Variants in DENND1B observed in about 807,000 individuals in gnomAD.
The protein encoded by DENND1B is DENN domain containing 1B.
In DENND1B, 59 loss-of-function variants were observed where a neutral mutation model predicts 90.1. The ratio of observed to expected loss-of-function variants is 0.65; its 90% CI spans 0.53 to 0.81. The LOEUF is 0.81. Among genes scored for constraint, DENND1B ranks in the 40% least tolerant of loss-of-function variants. The pLI, the probability that DENND1B is intolerant of heterozygous loss-of-function variation, is 0.00. For missense variants in DENND1B, 862 were observed against 912.6 expected (o/e 0.94, Z 0.71); for synonymous variants, 337 against 324.6 (o/e 1.04, Z -0.41).
At chr1:197,602,957 C>T (rs1394327557) in intron 13 of DENND1B, among the ~76,000 whole-genome samples, 1 of 151,124 alleles carries the variant, frequency 6.6e-6, no homozygotes, top group African/African-American at 2.4e-5. Context: ...CTTATGATTC[C>T]TGAAAGCTTC....
chr1:197,735,693 C>A (rs371103652), intron 2 of DENND1B: 5 of 1,613,918 alleles, frequency 3.1e-6, no homozygotes, highest in African/African-American at 1.3e-5. Context: ...ACACGGGAGG[C>A]GCTACGCCAG....
chr1:197,607,212 ATTTAC>A lies in DENND1B; in HGVS notation c.820-43_820-39del, dbSNP rs775986515. 4.4e-6 allele frequency: 6 copies of A among 1,361,828 alleles called. No individual in the cohort carries two copies. The South Asian group carries it at 5.2e-5, about 12-fold the overall frequency. The allele number at this position is 1,361,828 out of a possible 1,614,324, so 84.4% of individuals were successfully genotyped here. On this transcript the variant is annotated intron_variant, in intron 12 of 22. Transcript: ENST00000620048. Reference sequence around the variant, plus strand: ...CACAATTATGAATACAAATCAGTATATTTACTTTACAAAGTTATGATGAGTTTGGA... The same window carrying A: ...CACAATTATGAATACAAATCAGTATATTTACAAAGTTATGATGAGTTTGGA...
rs187143903 is a variant in DENND1B at position 197,705,748 on chromosome 1, T to A, written c.126+9283A>T. Among the ~76,000 whole-genome samples, 1,107 of 151,094 alleles carry A rather than the reference T, an allele frequency of 7.3e-3. 5 individuals are homozygous for A. Among genetic ancestry groups the A allele is most frequent in the Non-Finnish European group, 0.013 (850 of 67,752 alleles). ...GACTAAAATATATATATATATATAT[T>A]GGAATGGTAAAATGAGTGAGCAAGG... is the stretch of plus-strand genomic sequence containing the variant. On this transcript the variant is annotated intron_variant, in intron 3 of 22. Transcript: ENST00000620048.
At chr1:197,681,029 G>A (rs1656634572) in intron 3 of DENND1B, among the ~76,000 whole-genome samples, 1 of 152,050 alleles carries the variant, frequency 6.6e-6, no homozygotes, top group African/African-American at 2.4e-5. Flanking sequence ...CTTGTTATAT[G>A]AATTTAAATT....
intron 2 of DENND1B, among the ~76,000 whole-genome samples, chr1:197,768,392 T>C (rs992163121): frequency 6.6e-6 from 1 of 152,116 alleles, no homozygotes; most frequent in Non-Finnish European, 1.5e-5. Flanking sequence ...TACCCAATCT[T>C]TTATTGACGA....
chr1:197,700,826 C>G (rs569292614), intron 3 of DENND1B, among the ~76,000 whole-genome samples: 1 of 152,050 alleles, frequency 6.6e-6, no homozygotes, highest in Admixed American at 6.6e-5. Flanking sequence ...AGCCAACAAA[C>G]GAGAAAAAGC....
chr1:197,772,123 T>G (rs1229919607), intron 2 of DENND1B, among the ~76,000 whole-genome samples: 1 of 152,216 alleles, frequency 6.6e-6, no homozygotes, highest in Non-Finnish European at 1.5e-5. Flanking sequence ...CAGTCTGCAT[T>G]CTGCGTTCTG....
chr1:197,634,415 C>T (rs1679593968), intron 10 of DENND1B, among the ~76,000 whole-genome samples: 1 of 152,032 alleles, frequency 6.6e-6, no homozygotes, highest in Non-Finnish European at 1.5e-5. Context: ...AAATGAGGAA[C>T]GATTCAATGA....
At chr1:197,581,146 T>C (rs1674198796) in intron 15 of DENND1B, among the ~76,000 whole-genome samples, 1 of 152,174 alleles carries the variant, frequency 6.6e-6, no homozygotes, top group Non-Finnish European at 1.5e-5. Context: ...GCCATATGAG[T>C]AGTATCTTTG....
intron 3 of DENND1B, among the ~76,000 whole-genome samples, chr1:197,692,895 T>C (rs1056269414): frequency 6.6e-6 from 1 of 151,716 alleles, no homozygotes; most frequent in African/African-American, 2.4e-5. Flanking sequence ...CATACCATCA[T>C]CCTCTTCCTG....
intron 3 of DENND1B, among the ~76,000 whole-genome samples, chr1:197,687,626 T>TA (rs1223726808): frequency 2.0e-5 from 3 of 152,018 alleles, no homozygotes; most frequent in Non-Finnish European, 2.9e-5. Flanking sequence ...TTTTTCATAA[T>TA]AAAAAATCTC....
chr1:197,703,610 G>A (rs1308971672), intron 3 of DENND1B, among the ~76,000 whole-genome samples: 2 of 152,098 alleles, frequency 1.3e-5, no homozygotes, highest in East Asian at 1.9e-4. Flanking sequence ...GAGCACACAA[G>A]GGAATAAAAT....
intron 2 of DENND1B, among the ~76,000 whole-genome samples, chr1:197,758,055 T>C (rs1654537609): frequency 3.9e-5 from 6 of 152,216 alleles, no homozygotes; most frequent in South Asian, 2.1e-4. Flanking sequence ...AAGTTGTACA[T>C]GTGAAAAATT....
chr1:197,530,490 C>G (rs1013888160), intron 20 of DENND1B, among the ~76,000 whole-genome samples: 1 of 152,116 alleles, frequency 6.6e-6, no homozygotes, highest in Non-Finnish European at 1.5e-5. Context: ...GTCTTCTAAA[C>G]TTATAAATAA....
intron 10 of DENND1B, among the ~76,000 whole-genome samples, chr1:197,640,212 C>T (rs1334855305): frequency 6.6e-6 from 1 of 152,106 alleles, no homozygotes; most frequent in Admixed American, 6.6e-5. Context: ...GTGGCTCACG[C>T]CTGTAATCCC....
At chr1:197,668,380 G>A (rs1212991050) in intron 5 of DENND1B, among the ~76,000 whole-genome samples, 15 of 151,824 alleles carry the variant, frequency 9.9e-5, no homozygotes, top group Middle Eastern at 3.4e-3. Flanking sequence ...ATTCTGGTGG[G>A]AAAGAAGGGA....
At chr1:197,656,866 T>C (rs779718603) in intron 6 of DENND1B, among the ~76,000 whole-genome samples, 65 of 152,018 alleles carry the variant, frequency 4.3e-4, no homozygotes, top group African/African-American at 1.2e-3. Flanking sequence ...CATTATCCCA[T>C]AGAATTTTGT....
chr1:197,745,551 T>C (rs936487941), intron 2 of DENND1B, among the ~76,000 whole-genome samples: 7 of 150,736 alleles, frequency 4.6e-5, no homozygotes, highest in Non-Finnish European at 1.5e-5. Flanking sequence ...GCATGGTTCA[T>C]GGTACCACAA....
intron 12 of DENND1B, among the ~76,000 whole-genome samples, chr1:197,610,140 GCTGA>G (rs1405339622): frequency 2.7e-5 from 4 of 150,476 alleles, no homozygotes; most frequent in Admixed American, 6.6e-5. Flanking sequence ...ATAAAATAAG[GCTGA>G]CTATTAAGAC....
Sources: allele counts gnomAD v4.1 joint callset (sites outside exome capture counted in the v4.1 genomes callset), GRCh38; gene constraint gnomAD v4.1.1; transcripts MANE v1.5; gene names NCBI Gene and HGNC (gene_info 2026-07-23, HGNC 2026-07-21).